HP1BP3: variants seen among roughly 807,000 people sequenced by gnomAD.
HP1BP3 encodes the protein heterochromatin protein 1 binding protein 3.
In HP1BP3, 12 loss-of-function variants were observed where a neutral mutation model predicts 62.5. The ratio of observed to expected loss-of-function variants is 0.19; its 90% CI spans 0.12 to 0.31. The LOEUF is 0.31. Ranked by LOEUF, HP1BP3 falls within the 10% of genes least tolerant of loss-of-function variation. The pLI is 1.00. For missense variants in HP1BP3, 502 were observed against 651.8 expected (o/e 0.77, Z 2.50); for synonymous variants, 260 against 237.8 (o/e 1.09, Z -0.86).
rs12729575 is a variant in HP1BP3 at position 20,749,781 on chromosome 1, G to A, written c.1083C>T (p.Thr361=). 57,815 of 1,613,650 alleles carry A rather than the reference G, an allele frequency of 0.036. 1,231 individuals carry two copies. Among genetic ancestry groups the A allele is most frequent in the Non-Finnish European group, 0.041 (47,810 of 1,179,582 alleles). Residue 361 remains threonine (T), a synonymous_variant, in exon 10 of 13, where the codon ACC becomes ACT. Transcript: ENST00000438032. ...CTAGGACATACTTCTTCAGAGCAGT[G>A]GTAGAGCAGGTCTTCGGCTCATTCA... ...AAMNEPKTCS[T]TALKKYVLEN...
At chr1:20,779,944 A>T in intron 2 of HP1BP3, 33 bp from the exon 3 acceptor site, 1 of 1,545,214 alleles carries the variant, frequency 6.5e-7, no homozygotes, top group Non-Finnish European at 8.9e-7. Context: ...TCAAACATGC[A>T]TTAAAAAATT....
chr1:20,772,168 T>C (rs1414484692), intron 5 of HP1BP3, among the ~76,000 whole-genome samples: 2 of 152,204 alleles, frequency 1.3e-5, no homozygotes, highest in East Asian at 1.9e-4. Context: ...AGTGAGATGG[T>C]AGTAGACATC....
intron 11 of HP1BP3, among the ~76,000 whole-genome samples, chr1:20,746,884 C>T (rs935809476): frequency 1.1e-4 from 16 of 152,070 alleles, no homozygotes; most frequent in South Asian, 2.1e-4. Context: ...GGTGTGGTGG[C>T]GCGCACCTGT....
chr1:20,773,471 T>A lies in HP1BP3; in HGVS notation c.490A>T (p.Ile164Phe). 1 of 1,611,534 alleles carries A rather than the reference T, an allele frequency of 6.2e-7. No individual in the cohort carries two copies. Among genetic ancestry groups the A allele is most frequent in the Non-Finnish European group, 8.5e-7 (1 of 1,178,828 alleles). Residue 164 changes from isoleucine to phenylalanine, a missense_variant, in exon 5 of 13, where the codon ATC (isoleucine) becomes TTC (phenylalanine). Physicochemically the swap from Ile to Phe is conservative, Grantham distance 21. Transcript: ENST00000438032. ...CTTGCCTTAATGGCCTCAGTTAAGA[T>A]TGCATCCATCTTGGGACGTGGGGAA... ...ASSPRPKMDA[I>F]LTEAIKACFQ...
intron 10 of HP1BP3, among the ~76,000 whole-genome samples, chr1:20,748,574 G>C (rs1449869642): frequency 6.6e-6 from 1 of 152,068 alleles, no homozygotes; most frequent in Non-Finnish European, 1.5e-5. Flanking sequence ...GTGAAACCCT[G>C]TCTCTACTAA....
At chr1:20,746,186 ATGTGTGTG>A (rs35710978) in intron 11 of HP1BP3, among the ~76,000 whole-genome samples, 2,638 of 143,096 alleles carry the variant, frequency 0.018, 22 homozygotes, top group Middle Eastern at 0.042. Context: ...ACATACATAT[ATGTGTGTG>A]TGTGTGTGTG....
At chr1:20,756,867 C>T (rs1426636761) in intron 9 of HP1BP3, among the ~76,000 whole-genome samples, 1 of 152,060 alleles carries the variant, frequency 6.6e-6, no homozygotes, top group East Asian at 1.9e-4. Flanking sequence ...AGGCATGTGC[C>T]CCCACGCCCA....
chr1:20,782,884 A>T lies in HP1BP3; in HGVS notation c.-100-2344T>A, dbSNP rs572398553. On this transcript the variant is annotated intron_variant, in intron 1 of 12. Transcript: ENST00000438032. Reference sequence around the variant, plus strand: ...CACTGCACTCCAGCCTGGGCGACAGAGCAAGACTCCTTCTCAAAAAAAAGA... The same window carrying T: ...CACTGCACTCCAGCCTGGGCGACAGTGCAAGACTCCTTCTCAAAAAAAAGA... Among the ~76,000 whole-genome samples the T allele has an allele frequency of 2.4e-3, 355 of 148,146 alleles. 1 individual carries two copies. Among genetic ancestry groups the T allele is most frequent in the Non-Finnish European group, 4.0e-3 (270 of 67,192 alleles).
chr1:20,778,185 AT>A (rs2057386707), intron 3 of HP1BP3, among the ~76,000 whole-genome samples: 2 of 152,294 alleles, frequency 1.3e-5, no homozygotes, highest in South Asian at 4.1e-4. Context: ...CTTCTCAAGA[AT>A]AACTGCTCAA....
intron 1 of HP1BP3, among the ~76,000 whole-genome samples, chr1:20,780,916 C>A (rs1570679004): frequency 6.6e-6 from 1 of 152,286 alleles, no homozygotes; most frequent in East Asian, 1.9e-4. Flanking sequence ...TGTTACTGTT[C>A]TCGAAAGAGT....
intron 9 of HP1BP3, among the ~76,000 whole-genome samples, chr1:20,756,551 C>A (rs757867037): frequency 2.0e-5 from 3 of 151,958 alleles, no homozygotes; most frequent in Non-Finnish European, 4.4e-5. Context: ...GCCTGGGAAA[C>A]AGAGAGAAAC....
chr1:20,784,476 CTTTTTT>C (rs368306686), intron 1 of HP1BP3, among the ~76,000 whole-genome samples: 13 of 124,508 alleles, frequency 1.0e-4, no homozygotes, highest in South Asian at 5.2e-4. Flanking sequence ...TGTGTTTTCC[CTTTTTT>C]TTTTTTTTTT....
chr1:20,760,739 G>A lies in HP1BP3; in HGVS notation c.891-3483C>T, dbSNP rs371369509. 5.3e-5 allele frequency among the ~76,000 whole-genome samples: 8 copies of A among 152,202 alleles called. 1 individual carries two copies. The highest frequency in any genetic ancestry group is 1.9e-4 in the African/African-American group (8 of 41,538). The stretch of plus-strand genomic sequence containing the variant: ...TAATCCCAGCTACTCGGGAGGCTGA[G>A]ACAGGAAAATCGCTTGAACCGAGGA... On this transcript the variant is annotated intron_variant, in intron 8 of 12. Transcript: ENST00000438032.
At chr1:20,782,616 A>T (rs2057612218) in intron 1 of HP1BP3, among the ~76,000 whole-genome samples, 1 of 151,404 alleles carries the variant, frequency 6.6e-6, no homozygotes, top group Admixed American at 6.6e-5. Context: ...AAAAAAACAC[A>T]AAAGGGCCAG....
intron 8 of HP1BP3, among the ~76,000 whole-genome samples, chr1:20,764,073 ATTC>A (rs2056634369): frequency 1.3e-5 from 2 of 152,166 alleles, no homozygotes; most frequent in African/African-American, 4.8e-5. Flanking sequence ...AAATACTAAC[ATTC>A]TTCTTCCCAA....
intron 5 of HP1BP3, among the ~76,000 whole-genome samples, chr1:20,771,978 T>C (rs922604794): frequency 1.7e-4 from 26 of 152,284 alleles, no homozygotes; most frequent in Middle Eastern, 6.8e-3. Context: ...CCAGAAAAGA[T>C]TGCACAACAC....
intron 1 of HP1BP3, among the ~76,000 whole-genome samples, 177 bp downstream of exon 1, chr1:20,787,018 C>A (rs1269031331): frequency 1.3e-5 from 2 of 151,876 alleles, no homozygotes; most frequent in Non-Finnish European, 2.9e-5. Context: ...AGGAAGGGAG[C>A]GGGGCGGAGC....
At chr1:20,779,075 C>A (rs2057428164) in intron 3 of HP1BP3, among the ~76,000 whole-genome samples, 1 of 152,142 alleles carries the variant, frequency 6.6e-6, no homozygotes, top group Non-Finnish European at 1.5e-5. Context: ...CAGGTGTGAG[C>A]CACTGTGCCC....
intron 9 of HP1BP3, among the ~76,000 whole-genome samples, chr1:20,754,521 CG>C (rs1460545054): frequency 6.6e-6 from 1 of 151,578 alleles, no homozygotes; most frequent in Non-Finnish European, 1.5e-5. Flanking sequence ...GTACAGGACC[CG>C]GCATAGTCAA....
Sources: gnomAD v4.1 joint callset for allele counts (sites outside exome capture counted in the v4.1 genomes callset) on GRCh38, gnomAD v4.1.1 for gene constraint, MANE v1.5 for transcripts, NCBI Gene and HGNC (gene_info 2026-07-23, HGNC 2026-07-21) for gene names.